Variants in TNFRSF19 observed in about 807,000 individuals in gnomAD.
TNFRSF19 encodes the protein TNF receptor superfamily member 19.
In TNFRSF19, 27 loss-of-function variants were observed where a neutral mutation model predicts 46.4. That is an observed-to-expected ratio of 0.58 (90% confidence interval 0.43 to 0.80). The LOEUF (loss-of-function observed/expected upper bound fraction) is 0.80. Ranked by LOEUF, TNFRSF19 falls within the 30% of genes least tolerant of loss-of-function variation. The pLI is 0.00. For synonymous variants in TNFRSF19, 204 were observed against 205.0 expected (o/e 1.00, Z 0.04); for missense variants, 511 against 530.8 (o/e 0.96, Z 0.37).
At chr13:23,587,354 C>T (rs1878917644) in intron 1 of TNFRSF19, among the ~76,000 whole-genome samples, 1 of 152,020 alleles carries the variant, frequency 6.6e-6, no homozygotes, top group African/African-American at 2.4e-5. Flanking sequence ...AACCCTCCAC[C>T]AGCTAAATTG....
At position 23,659,017 on chromosome 13, in the gene TNFRSF19, C is replaced by G; in HGVS notation, c.446-33C>G. ...CATAAACACTGCATCTGCAGTTGTT[C>G]AGAGCATGCTGACCCCATTCCTGTG... On this transcript the variant is annotated intron_variant, in intron 5 of 9. Transcript: ENST00000248484. This position sits in a 1 kb window ranked among gnomAD's most constrained non-coding sequence, Gnocchi z 4.9. 1 of 1,611,808 alleles carries G rather than the reference C, an allele frequency of 6.2e-7. No homozygotes were observed. Among genetic ancestry groups the G allele is most frequent in the Non-Finnish European group, 8.5e-7 (1 of 1,179,952 alleles).
At chr13:23,599,618 A>G (rs1879985859) in intron 3 of TNFRSF19, among the ~76,000 whole-genome samples, 1 of 152,188 alleles carries the variant, frequency 6.6e-6, no homozygotes, top group Admixed American at 6.5e-5. Context: ...CCTGGAGTCA[A>G]TAGAAAGGAA....
chr13:23,626,985 T>C (rs924056095), intron 5 of TNFRSF19, among the ~76,000 whole-genome samples, 193 bp downstream of exon 5: 2 of 152,190 alleles, frequency 1.3e-5, no homozygotes, highest in African/African-American at 4.8e-5. Flanking sequence ...AGCAAACCGG[T>C]CCCAGGGATT....
intron 9 of TNFRSF19, among the ~76,000 whole-genome samples, chr13:23,672,010 G>C (rs187298326): frequency 7.0e-4 from 107 of 152,298 alleles, no homozygotes; most frequent in African/African-American, 2.4e-3. Flanking sequence ...AAAACAACAT[G>C]TGTCCATCTG....
intron 3 of TNFRSF19, among the ~76,000 whole-genome samples, chr13:23,596,806 T>C (rs1180007284): frequency 6.6e-6 from 1 of 152,220 alleles, no homozygotes; most frequent in Non-Finnish European, 1.5e-5. Context: ...TACATTCTTC[T>C]CAGCACCACA....
At chr13:23,647,713 G>C (rs1387397961) in intron 5 of TNFRSF19, among the ~76,000 whole-genome samples, 1 of 152,142 alleles carries the variant, frequency 6.6e-6, no homozygotes, top group Non-Finnish European at 1.5e-5. Context: ...TTTAGTTTCA[G>C]CTCTTGAATT....
intron 1 of TNFRSF19, among the ~76,000 whole-genome samples, chr13:23,573,858 C>T (rs1052443505): frequency 5.3e-5 from 8 of 151,922 alleles, no homozygotes; most frequent in African/African-American, 1.5e-4. Context: ...GTCAGGAGAT[C>T]GAGACCATCC....
intron 7 of TNFRSF19, among the ~76,000 whole-genome samples, chr13:23,661,737 G>T (rs1458861944): frequency 6.6e-6 from 1 of 152,156 alleles, no homozygotes; most frequent in Non-Finnish European, 1.5e-5. Context: ...TAGTCATTCT[G>T]ACTGGTGTGA....
At chr13:23,651,862 ACTC>A in intron 5 of TNFRSF19, among the ~76,000 whole-genome samples, 1 of 16,388 alleles carries the variant, frequency 6.1e-5, no homozygotes, top group South Asian at 1.6e-3. Context: ...TTTTTTTTTT[ACTC>A]TAAATGGTTG....
chr13:23,602,316 T>C (rs1459092226), intron 3 of TNFRSF19, among the ~76,000 whole-genome samples: 1 of 152,064 alleles, frequency 6.6e-6, no homozygotes, highest in Non-Finnish European at 1.5e-5. Context: ...TCTAAGAAAT[T>C]ATAATAATCT....
chr13:23,593,233 G>A, intron 2 of TNFRSF19, 112 bp from the exon 3 acceptor site: 2 of 594,412 alleles, frequency 3.4e-6, no homozygotes, highest in East Asian at 3.0e-5. Context: ...GACTTGAACT[G>A]ATATTTACAT....
chr13:23,616,321 GA>G (rs1474983272), intron 4 of TNFRSF19, among the ~76,000 whole-genome samples: 13 of 152,102 alleles, frequency 8.5e-5, no homozygotes, highest in Admixed American at 2.0e-4. Flanking sequence ...CAGTAAAAAA[GA>G]AAACTTGGAC....
chr13:23,660,602 T>A, intron 7 of TNFRSF19, 112 bp downstream of exon 7: 1 of 1,298,200 alleles, frequency 7.7e-7, no homozygotes, highest in Non-Finnish European at 1.0e-6. Context: ...TGTTGAGTCT[T>A]CTGGTTAAAA....
At chr13:23,658,969 G>GT in intron 5 of TNFRSF19, 81 bp from the exon 6 acceptor site, 1 of 1,585,512 alleles carries the variant, frequency 6.3e-7, no homozygotes, top group East Asian at 2.2e-5. Context: ...AAGGCCACTG[G>GT]TAAGGGTGCC....
intron 9 of TNFRSF19, chr13:23,669,693 G>A (rs1025831471): frequency 3.3e-5 from 33 of 985,170 alleles, no homozygotes; most frequent in African/African-American, 1.2e-4. Context: ...TGGGTGGAGC[G>A]AGGGTGGCAC....
In TNFRSF19 at chr13:23,660,426, T is replaced by C; in HGVS notation, c.672T>C (p.Pro224=). The change falls in exon 7 of 10, where the codon CCT becomes CCC. Residue 224 remains proline, a synonymous_variant. Coordinates refer to ENST00000248484, the MANE Select transcript of TNFRSF19 (RefSeq NM_148957.4). The part of the protein sequence containing the change: ...NGSELSCFDR[P]QLHEYAHRAC... ...CTGAGCTGTCGTGTTTTGACAGACCTCAGCTCCACGAATATGCCCACAGAG... is the reference window on the plus strand; with the variant it reads ...CTGAGCTGTCGTGTTTTGACAGACCCCAGCTCCACGAATATGCCCACAGAG... 2 of 1,613,864 alleles carry C rather than the reference T, an allele frequency of 1.2e-6. No homozygotes were observed. Among genetic ancestry groups the C allele is most frequent in the Non-Finnish European group, 1.7e-6 (2 of 1,180,022 alleles).
At chr13:23,578,930 T>G (rs1370782815) in intron 1 of TNFRSF19, among the ~76,000 whole-genome samples, 1 of 152,178 alleles carries the variant, frequency 6.6e-6, no homozygotes, top group Non-Finnish European at 1.5e-5. Flanking sequence ...CCCTGCCGGC[T>G]GAGGAGCCGA....
At chr13:23,590,275 T>C in intron 2 of TNFRSF19, 23 bp downstream of exon 2, 1 of 1,439,978 alleles carries the variant, frequency 6.9e-7, no homozygotes, top group Non-Finnish European at 9.6e-7. Context: ...CTTTTTTCTT[T>C]CATAAGAATG....
At position 23,675,875 on chromosome 13, in the gene TNFRSF19, G is replaced by T. The variant is rs1191521870; in HGVS notation, c.*2495G>T. ...TTTAAATAGAGATTTTTCTACTTTAGATAATGTGTTAATATTGCTATTACC... is the reference window on the plus strand; with the variant it reads ...TTTAAATAGAGATTTTTCTACTTTATATAATGTGTTAATATTGCTATTACC... On this transcript the variant is annotated 3_prime_UTR_variant, in exon 10 of 10. Coordinates refer to ENST00000248484, the MANE Select transcript of TNFRSF19 (RefSeq NM_148957.4). The T allele has an allele frequency of 6.6e-6, 1 of 152,156 alleles. No homozygotes were observed. Among genetic ancestry groups the T allele is most frequent in the Non-Finnish European group, 1.5e-5 (1 of 68,018 alleles). The allele number at this position is 152,156 out of a possible 1,614,324, so 9.4% of individuals were successfully genotyped here.
Sources: allele counts gnomAD v4.1 joint callset (sites outside exome capture counted in the v4.1 genomes callset), GRCh38; gene constraint gnomAD v4.1.1; non-coding constraint Gnocchi (gnomAD v3.1); transcripts MANE v1.5; gene names NCBI Gene and HGNC (gene_info 2026-07-23, HGNC 2026-07-21).